The following RNF216 variants were observed in gnomAD, a reference collection of about 807,000 sequenced individuals.
RNF216 encodes the protein E3 ubiquitin-protein ligase RNF216.
RNF216 carries 72 observed loss-of-function variants against 110.8 expected under a neutral mutation model. The observed-to-expected ratio is 0.65, with a 90% CI of 0.54 to 0.79. RNF216 has a LOEUF of 0.79. Among genes scored for constraint, RNF216 ranks in the 30% least tolerant of loss-of-function variants. The pLI is 0.00. For missense variants in RNF216, 1,342 were observed against 1,141.2 expected (o/e 1.18, Z -2.54); for synonymous variants, 495 against 407.5 (o/e 1.21, Z -2.59).
At position 5,623,077 on chromosome 7, in the gene RNF216, G is replaced by A; in HGVS notation, c.2555C>T (p.Pro852Leu). The change falls in exon 17 of 17, where the codon CCA (proline) becomes CTA (leucine). Residue 852 changes from proline to leucine, a missense_variant. Pro to Leu is a moderately conservative substitution (Grantham distance 98, BLOSUM62 -3). Transcript: ENST00000389902. The stretch of plus-strand genomic sequence containing the variant: ...CGCGAAGGCATAGGGTGGCATCTGT[G>A]GCTGTGGCAGGTTCTGCGGAACGGG... ...PRPVPQNLPQPQMPPYAFAHP... is the reference protein window; with the variant it reads ...PRPVPQNLPQLQMPPYAFAHP... The A allele has an allele frequency of 6.2e-7, 1 of 1,612,620 alleles. No individual in the cohort carries two copies.
At chr7:5,633,815 A>G (rs905106725) in intron 15 of RNF216, among the ~76,000 whole-genome samples, 2 of 152,162 alleles carry the variant, frequency 1.3e-5, no homozygotes, top group African/African-American at 2.4e-5. Context: ...AACGTGCTGC[A>G]CTTGAAGACG....
At chr7:5,770,825 C>T (rs910429694) in intron 1 of RNF216, among the ~76,000 whole-genome samples, 3 of 151,464 alleles carry the variant, frequency 2.0e-5, no homozygotes, top group Admixed American at 6.6e-5. Context: ...TCTTTCCCCC[C>T]GAAACAGTGT....
intron 8 of RNF216, among the ~76,000 whole-genome samples, chr7:5,722,025 A>G (rs1279815501): frequency 6.6e-6 from 1 of 152,154 alleles, no homozygotes; most frequent in Non-Finnish European, 1.5e-5. Context: ...GGGCTCAGGC[A>G]ATCCTCCCGC....
At chr7:5,700,276 C>G (rs1477085392) in intron 13 of RNF216, among the ~76,000 whole-genome samples, 1 of 152,168 alleles carries the variant, frequency 6.6e-6, no homozygotes, top group Non-Finnish European at 1.5e-5. Flanking sequence ...CACACAGCCC[C>G]TTCTCAAGGA....
chr7:5,725,568 C>T, intron 7 of RNF216, 130 bp from the exon 8 acceptor site: 1 of 638,352 alleles, frequency 1.6e-6, no homozygotes. Context: ...TTGGTAGTGG[C>T]AGCTGGGTGC....
In RNF216 at chr7:5,652,418, G is replaced by A; in HGVS notation, c.2154C>T (p.Thr718=). The A allele has an allele frequency of 6.2e-7, 1 of 1,607,310 alleles. No homozygotes were observed. The highest frequency in any genetic ancestry group is 8.5e-7 in the Non-Finnish European group (1 of 1,173,924). Residue 718 remains threonine, a synonymous_variant, in exon 14 of 17, where the codon ACC becomes ACT. Transcript: ENST00000389902. ...CTCTGAATTCTGTTACTCACATAGA[G>A]GTACGGTACTTGATGTCGTCTTTTT... ...LAEKDDIKYR[T]SIEEKMTAAR...
chr7:5,738,087 CAAAAAAAAAAAAAAAAAA>C (rs200643372), intron 5 of RNF216, among the ~76,000 whole-genome samples: 9 of 111,004 alleles, frequency 8.1e-5, no homozygotes, highest in South Asian at 2.8e-4. Context: ...AGACTGTCTC[CAAAAAAAAAAAAAAAAAA>C]AAAAAAAAAA....
rs548031905 is a variant in RNF216 at position 5,620,430 on chromosome 7, G to A, written c.*2430C>T. 1 of 152,428 alleles carries A rather than the reference G, an allele frequency of 6.6e-6. No individual in the cohort carries two copies. The highest frequency in any genetic ancestry group is 2.4e-5 in the African/African-American group (1 of 41,564). The allele number at this position is 152,428 out of a possible 1,614,324, so 9.4% of individuals were successfully genotyped here. A position where few individuals can be genotyped will look rare whatever the true frequency, so the allele number is the denominator to read the frequency against. On this transcript the variant is annotated 3_prime_UTR_variant, in exon 17 of 17. Transcript: ENST00000389902. ...ACGGCCCCTTGCTGGCTGGTCTGAA[G>A]ACCCCCAGTGCTTCTCTCCCCAATG...
intron 9 of RNF216, among the ~76,000 whole-genome samples, chr7:5,719,185 A>T (rs146625838): frequency 8.1e-4 from 123 of 152,298 alleles, no homozygotes; most frequent in Middle Eastern, 3.4e-3. Context: ...GTTCGAGACC[A>T]GCCTGGACAG....
At chr7:5,760,597 ATCT>A (rs544253523) in intron 2 of RNF216, 4 of 290,364 alleles carry the variant, frequency 1.4e-5, no homozygotes, top group South Asian at 9.6e-5. Flanking sequence ...CTAAGCCAGA[ATCT>A]TCTGGCAAAA....
At chr7:5,780,394 A>T (rs1481093702) in intron 1 of RNF216, 1 of 152,088 alleles carries the variant, frequency 6.6e-6, no homozygotes, top group African/African-American at 2.4e-5. Context: ...CTTCTTACTG[A>T]AGGGCCCGAG....
chr7:5,715,005 C>A, intron 11 of RNF216, 48 bp downstream of exon 11: 1 of 1,548,906 alleles, frequency 6.5e-7, no homozygotes. Context: ...TCTCCTTAGA[C>A]TCCAGGAATG....
At chr7:5,711,729 A>T in intron 13 of RNF216, 32 bp downstream of exon 13, 1 of 1,578,830 alleles carries the variant, frequency 6.3e-7, no homozygotes, top group South Asian at 1.1e-5. Flanking sequence ...CCATAATTCA[A>T]TATACATCTA....
chr7:5,756,556 G>A (rs1459191946), intron 2 of RNF216, among the ~76,000 whole-genome samples: 2 of 152,118 alleles, frequency 1.3e-5, no homozygotes, highest in Non-Finnish European at 2.9e-5. Context: ...CACCATGCCC[G>A]GCTAATTTTT....
At chr7:5,765,490 C>A (rs1166379837) in intron 1 of RNF216, among the ~76,000 whole-genome samples, 1 of 151,780 alleles carries the variant, frequency 6.6e-6, no homozygotes, top group Non-Finnish European at 1.5e-5. Context: ...AAAAATAAGG[C>A]ATGGTGGTGC....
intron 14 of RNF216, among the ~76,000 whole-genome samples, chr7:5,646,704 AAG>A (rs918282813): frequency 2.6e-5 from 4 of 151,984 alleles, no homozygotes; most frequent in Admixed American, 6.6e-5. Context: ...AAAAAAAAAA[AAG>A]AAAGTTATTT....
chr7:5,750,186 A>T (rs1314242675), intron 3 of RNF216, among the ~76,000 whole-genome samples: 5 of 152,216 alleles, frequency 3.3e-5, no homozygotes, highest in Non-Finnish European at 7.3e-5. Flanking sequence ...CAAAATGTGC[A>T]AACAATGCCT....
intron 13 of RNF216, among the ~76,000 whole-genome samples, chr7:5,657,332 T>C (rs906369487): frequency 6.6e-6 from 1 of 151,578 alleles, no homozygotes; most frequent in Admixed American, 6.6e-5. Flanking sequence ...CTTTGGGAGG[T>C]GGAGGCAGGT....
chr7:5,677,516 T>G (rs1790378705), intron 13 of RNF216, among the ~76,000 whole-genome samples: 1 of 152,206 alleles, frequency 6.6e-6, no homozygotes, highest in African/African-American at 2.4e-5. Flanking sequence ...CTTATATGGC[T>G]TCTGGTAAAT....
Sources: gnomAD v4.1 joint callset for allele counts (sites outside exome capture counted in the v4.1 genomes callset) on GRCh38, gnomAD v4.1.1 for gene constraint, MANE v1.5 for transcripts, NCBI Gene and HGNC (gene_info 2026-07-23, HGNC 2026-07-21) for gene names.